The following SCAPER variants were observed in gnomAD, a reference collection of about 807,000 sequenced individuals.
SCAPER encodes S phase cyclin A-associated protein in the endoplasmic reticulum.
SCAPER carries 98 observed loss-of-function variants against 182.2 expected under a neutral mutation model. The ratio of observed to expected loss-of-function variants is 0.54; its 90% CI spans 0.46 to 0.64. SCAPER has a LOEUF of 0.64. SCAPER is among the 30% of genes least tolerant of loss of function. The probability of loss-of-function intolerance (pLI) is 0.00; values close to 1 mark genes in which losing one functional copy is unlikely to be tolerated. For synonymous variants in SCAPER, 605 were observed against 564.6 expected (o/e 1.07, Z -1.01); for missense variants, 1,432 against 1,690.0 (o/e 0.85, Z 2.68).
chr15:76,503,516 T>A (rs1008103129), intron 24 of SCAPER, among the ~76,000 whole-genome samples: 1 of 152,232 alleles, frequency 6.6e-6, no homozygotes, highest in African/African-American at 2.4e-5. Context: ...TAGCTAGCAC[T>A]GTCTAAACTC....
chr15:76,853,564 A>AT (rs1568341675), intron 4 of SCAPER, among the ~76,000 whole-genome samples: 2 of 152,078 alleles, frequency 1.3e-5, no homozygotes. Context: ...AAAAAAAAAA[A>AT]CCACATAGTT....
chr15:76,709,887 C>T (rs927623942), intron 17 of SCAPER, among the ~76,000 whole-genome samples: 10 of 152,084 alleles, frequency 6.6e-5, no homozygotes, highest in Non-Finnish European at 1.5e-4. Flanking sequence ...ATGTAACATA[C>T]CATATTAATA....
At chr15:76,726,918 T>C (rs2060630870) in intron 17 of SCAPER, among the ~76,000 whole-genome samples, 2 of 152,144 alleles carry the variant, frequency 1.3e-5, no homozygotes, top group East Asian at 1.9e-4. Flanking sequence ...TGGGTACAGA[T>C]GGTGGTGATA....
intron 8 of SCAPER, among the ~76,000 whole-genome samples, chr15:76,794,320 C>T (rs1421990311): frequency 6.6e-6 from 1 of 152,082 alleles, no homozygotes; most frequent in Non-Finnish European, 1.5e-5. Flanking sequence ...AAGTTTTTTG[C>T]AATTTTGATT....
intron 18 of SCAPER, among the ~76,000 whole-genome samples, chr15:76,703,581 T>C (rs1326350321): frequency 6.6e-6 from 1 of 152,184 alleles, no homozygotes; most frequent in African/African-American, 2.4e-5. Context: ...CTATTTGATA[T>C]GGCTAGAATG....
At chr15:76,680,831 T>C (rs1486607566) in intron 20 of SCAPER, among the ~76,000 whole-genome samples, 1 of 152,208 alleles carries the variant, frequency 6.6e-6, no homozygotes, top group Admixed American at 6.5e-5. Flanking sequence ...AGCAGAACTG[T>C]CAGCTAAAGA....
chr15:76,395,425 C>T (rs2043982874), intron 27 of SCAPER, among the ~76,000 whole-genome samples: 1 of 152,192 alleles, frequency 6.6e-6, no homozygotes, highest in South Asian at 2.1e-4. Flanking sequence ...AATTTCCAAA[C>T]TGTTCTCCAT....
intron 20 of SCAPER, among the ~76,000 whole-genome samples, chr15:76,691,400 T>A (rs2058350254): frequency 6.6e-6 from 1 of 152,152 alleles, no homozygotes. Context: ...CTCTTAAGGA[T>A]AATTTAATCT....
At chr15:76,799,122 A>G (rs1055428829) in intron 7 of SCAPER, among the ~76,000 whole-genome samples, 3 of 152,212 alleles carry the variant, frequency 2.0e-5, no homozygotes, top group Non-Finnish European at 4.4e-5. Flanking sequence ...TTGTATGACA[A>G]TAACACAATG....
intron 26 of SCAPER, among the ~76,000 whole-genome samples, chr15:76,418,528 T>C (rs1341976653): frequency 6.6e-6 from 1 of 152,228 alleles, no homozygotes; most frequent in Non-Finnish European, 1.5e-5. Flanking sequence ...GCACAGATCA[T>C]CTCGGAACCA....
chr15:76,610,382 G>A (rs1298615299), intron 22 of SCAPER, among the ~76,000 whole-genome samples: 2 of 152,162 alleles, frequency 1.3e-5, no homozygotes, highest in African/African-American at 4.8e-5. Context: ...TTAGGAATAA[G>A]GCAAGGATGC....
chr15:76,471,690 G>A (rs753426842), intron 24 of SCAPER, among the ~76,000 whole-genome samples: 1 of 152,022 alleles, frequency 6.6e-6, no homozygotes, highest in Non-Finnish European at 1.5e-5. Flanking sequence ...AAAGGAAAAG[G>A]GCTCTATCAA....
intron 2 of SCAPER, among the ~76,000 whole-genome samples, chr15:76,872,347 T>A (rs117174085): frequency 0.037 from 5,571 of 152,148 alleles, 138 homozygotes; most frequent in Non-Finnish European, 0.054. Flanking sequence ...CCAGAAGCTC[T>A]ACAAACCCCC....
rs554235310 is a variant in SCAPER, at chr15:76,845,428, T to C, written c.196-3497A>G. On this transcript the variant is annotated intron_variant, in intron 4 of 31. Transcript: ENST00000563290. ...GGAAAGGAAGAAGTCAAATTATCCT[T>C]GTTTGCAGATAATATGATCTCATAT... Among the ~76,000 whole-genome samples, 22 of 152,300 alleles carry C rather than the reference T, an allele frequency of 1.4e-4. 1 individual carries two copies. The highest frequency in any genetic ancestry group is 4.8e-4 in the African/African-American group (20 of 41,584).
At chr15:76,492,873 T>G (rs2052460744) in intron 24 of SCAPER, among the ~76,000 whole-genome samples, 1 of 151,680 alleles carries the variant, frequency 6.6e-6, no homozygotes, top group Admixed American at 6.6e-5. Flanking sequence ...AGAGTGTTTT[T>G]TTTTTTTTTT....
chr15:76,790,647 C>T (rs2064943085), intron 8 of SCAPER, among the ~76,000 whole-genome samples: 2 of 151,956 alleles, frequency 1.3e-5, no homozygotes, highest in Non-Finnish European at 2.9e-5. Flanking sequence ...TATTTGATTC[C>T]TGCTATTACT....
At chr15:76,482,056 A>G (rs2051189515) in intron 24 of SCAPER, among the ~76,000 whole-genome samples, 1 of 152,154 alleles carries the variant, frequency 6.6e-6, no homozygotes, top group Admixed American at 6.5e-5. Context: ...CAGCAGGCGC[A>G]TAATATCTGA....
At chr15:76,370,052 A>G (rs1252234078) in intron 29 of SCAPER, among the ~76,000 whole-genome samples, 2 of 152,198 alleles carry the variant, frequency 1.3e-5, no homozygotes, top group Non-Finnish European at 2.9e-5. Flanking sequence ...CACAGTAGGC[A>G]GGCAGCTCAT....
At chr15:76,806,217 T>C (rs1040416470) in intron 5 of SCAPER, among the ~76,000 whole-genome samples, 5 of 152,250 alleles carry the variant, frequency 3.3e-5, no homozygotes, top group African/African-American at 9.6e-5. Flanking sequence ...AATATCTGTA[T>C]ACAGTGTGAG....
Sources: allele counts gnomAD v4.1 joint callset (sites outside exome capture counted in the v4.1 genomes callset), GRCh38; gene constraint gnomAD v4.1.1; transcripts MANE v1.5; gene names NCBI Gene and HGNC (gene_info 2026-07-23, HGNC 2026-07-21).